Variants in MEGF9 observed in about 807,000 individuals in gnomAD.
MEGF9 encodes multiple EGF like domains 9.
A neutral mutation model predicts 46.8 loss-of-function variants in MEGF9; 6 were observed. That is an observed-to-expected ratio of 0.13 (90% CI 0.07 to 0.25). The LOEUF is 0.25. Among genes scored for constraint, MEGF9 ranks in the 10% least tolerant of loss-of-function variants. The pLI, the probability that MEGF9 is intolerant of heterozygous loss-of-function variation, is 1.00. For missense variants in MEGF9, 683 were observed against 792.4 expected (o/e 0.86, Z 1.66); for synonymous variants, 302 against 330.7 (o/e 0.91, Z 0.94).
chr9:120,637,776 G>A (rs1451116553), intron 2 of MEGF9, among the ~76,000 whole-genome samples: 1 of 96,882 alleles, frequency 1.0e-5, no homozygotes, highest in African/African-American at 4.0e-5. Context: ...GGGCAACAGG[G>A]CAAGACTCTG....
chr9:120,677,576 C>CG (rs1400249795), intron 1 of MEGF9, among the ~76,000 whole-genome samples: 2 of 152,200 alleles, frequency 1.3e-5, no homozygotes, highest in Non-Finnish European at 2.9e-5. Flanking sequence ...AGCTGGTACA[C>CG]CTTAACATAC....
At chr9:120,705,119 T>C (rs1256506051) in intron 1 of MEGF9, among the ~76,000 whole-genome samples, 1 of 152,096 alleles carries the variant, frequency 6.6e-6, no homozygotes, top group Non-Finnish European at 1.5e-5. Context: ...AAATCTTTTC[T>C]CCATTTTTTT....
chr9:120,695,603 CAAAAAAAAA>C (rs370281228), intron 1 of MEGF9, among the ~76,000 whole-genome samples: 111 of 18,684 alleles, frequency 5.9e-3, no homozygotes, highest in African/African-American at 0.012. Flanking sequence ...GACCCCATCT[CAAAAAAAAA>C]AAAAAAAAAA....
Position 120,605,914 on chromosome 9 carries a change from C to G in MEGF9, c.1358-273G>C, listed in dbSNP as rs1431076161. On this transcript the variant is annotated intron_variant, in intron 5 of 5. Transcript: ENST00000373930. This position sits in a 1 kb window ranked among gnomAD's most constrained non-coding sequence, Gnocchi z 4.0. ...TTGGGCCGGGCGTGGTGGCTCACACCTGTAATCCCAGCACTTTGGGCGGCC... is the reference window on the plus strand; with the variant it reads ...TTGGGCCGGGCGTGGTGGCTCACACGTGTAATCCCAGCACTTTGGGCGGCC... Among the ~76,000 whole-genome samples, 1 of 152,146 alleles carries G rather than the reference C, an allele frequency of 6.6e-6. No homozygotes were observed. The highest frequency in any genetic ancestry group is 1.5e-5 in the Non-Finnish European group (1 of 68,024).
In MEGF9 at chr9:120,714,326, G is replaced by A. The variant is rs1459473677; in HGVS notation, c.33C>T (p.Ser11=). 1 of 1,346,302 alleles carries A rather than the reference G, an allele frequency of 7.4e-7. No individual in the cohort carries two copies. The highest frequency in any genetic ancestry group is 9.5e-7 in the Non-Finnish European group (1 of 1,047,312). The allele number at this position is 1,346,302 out of a possible 1,614,324, so 83.4% of individuals were successfully genotyped here. A position where few individuals can be genotyped will look rare whatever the true frequency, so the allele number is the denominator to read the frequency against. ...GGGCGAGGCCGCCCAGGCTCGGCAG[G>A]CTCCTCATGGCGCGCTCGGCTCCGC... The part of the protein sequence containing the change: MNGGAERAMR[S]LPSLGGLALL... The change falls in exon 1 of 6, where the codon AGC becomes AGT. Residue 11 remains serine (S), a synonymous_variant. Transcript: ENST00000373930.
At chr9:120,666,065 C>T (rs1211639082) in intron 1 of MEGF9, among the ~76,000 whole-genome samples, 2 of 152,004 alleles carry the variant, frequency 1.3e-5, no homozygotes, top group East Asian at 3.9e-4. Context: ...TTCAGGATTG[C>T]TTTGTCTGCT....
Position 120,660,849 on chromosome 9 carries a change from C to T in MEGF9, c.602-1274G>A, listed in dbSNP as rs1458748211. On this transcript the variant is annotated intron_variant, in intron 1 of 5. Coordinates refer to ENST00000373930, the MANE Select transcript of MEGF9 (RefSeq NM_001080497.3). ...AAAGGGTCCTGAGAAATCTATGGTA[C>T]AAATTACAGTTCTAAATAGGTAAGG... Among the ~76,000 whole-genome samples the T allele has an allele frequency of 2.0e-5, 3 of 152,132 alleles. No homozygotes were observed. The East Asian group carries it at 5.8e-4, about 29-fold the overall frequency.
At chr9:120,681,143 G>A (rs143519740) in intron 1 of MEGF9, among the ~76,000 whole-genome samples, 98 of 151,842 alleles carry the variant, frequency 6.5e-4, no homozygotes, top group African/African-American at 2.2e-3. Flanking sequence ...GTGCTGGGTC[G>A]CCTCTGAAGC....
intron 2 of MEGF9, among the ~76,000 whole-genome samples, chr9:120,641,160 C>T (rs2043601320): frequency 6.6e-6 from 1 of 152,172 alleles, no homozygotes; most frequent in Non-Finnish European, 1.5e-5. Context: ...ATAGCATGCA[C>T]TTAATCTTGA....
Position 120,605,493 on chromosome 9 carries a change from A to C in MEGF9, c.1506T>G (p.Thr502=). The change falls in exon 6 of 6, where the codon ACT becomes ACG. Residue 502 remains threonine, a synonymous_variant. Coordinates refer to ENST00000373930, the MANE Select transcript of MEGF9 (RefSeq NM_001080497.3). The surrounding 1 kb of genome is among the most constrained non-coding windows in gnomAD (Gnocchi z 4.0). ...TCCATGATACATCAGCTAAAGCTGA[A>C]GTGCTGTTTTCAGAAGTGCTTACTG... The part of the protein sequence containing the change: ...IFSVSTSENS[T]SALADVSWTQ... 2 of 1,614,006 alleles carry C rather than the reference A, an allele frequency of 1.2e-6. No homozygotes were observed. Among genetic ancestry groups the C allele is most frequent in the Non-Finnish European group, 1.7e-6 (2 of 1,179,868 alleles).
chr9:120,612,614 C>G, intron 3 of MEGF9, 75 bp from the exon 4 acceptor site: 1 of 1,339,742 alleles, frequency 7.5e-7, no homozygotes, highest in Non-Finnish European at 1.0e-6. Flanking sequence ...ATCATGCCTG[C>G]AACAAAAAGA....
chr9:120,652,442 G>A (rs2043656883), intron 2 of MEGF9, among the ~76,000 whole-genome samples: 1 of 129,872 alleles, frequency 7.7e-6, no homozygotes, highest in Non-Finnish European at 1.6e-5. Flanking sequence ...GAGCCACATT[G>A]CACTCCAGGC....
intron 1 of MEGF9, among the ~76,000 whole-genome samples, chr9:120,697,890 C>T (rs893408101): frequency 6.6e-6 from 1 of 152,070 alleles, no homozygotes; most frequent in African/African-American, 2.4e-5. Flanking sequence ...AAACAGAACC[C>T]AAAATGTGCT....
chr9:120,629,703 G>A (rs1342187950), intron 2 of MEGF9, among the ~76,000 whole-genome samples: 1 of 152,036 alleles, frequency 6.6e-6, no homozygotes, highest in Non-Finnish European at 1.5e-5. Flanking sequence ...GGAGGCCAAG[G>A]AGGATGGACC....
Position 120,674,498 on chromosome 9 carries a change from AG to A in MEGF9, c.602-14924del, listed in dbSNP as rs370545379. 2.3e-3 allele frequency among the ~76,000 whole-genome samples: 357 copies of A among 152,364 alleles called. 2 individuals are homozygous for A. The highest frequency in any genetic ancestry group is 8.3e-3 in the African/African-American group (346 of 41,578). On this transcript the variant is annotated intron_variant, in intron 1 of 5. Transcript: ENST00000373930. The stretch of plus-strand genomic sequence containing the variant: ...GTCAATACCAAATACCACAATGCTG[AG>A]GAAGTAGAACTCTAGTACAATGTTG...
At chr9:120,685,883 GC>G (rs2043820090) in intron 1 of MEGF9, among the ~76,000 whole-genome samples, 1 of 152,106 alleles carries the variant, frequency 6.6e-6, no homozygotes, top group Non-Finnish European at 1.5e-5. Context: ...ATATTATTCA[GC>G]CCTAAAAATG....
chr9:120,698,558 A>G (rs543116077), intron 1 of MEGF9, among the ~76,000 whole-genome samples: 112 of 152,312 alleles, frequency 7.4e-4, no homozygotes, highest in African/African-American at 2.0e-3. Context: ...CTGATTACCA[A>G]TGTGTTACCA....
chr9:120,658,285 C>A (rs1196272510), intron 2 of MEGF9, among the ~76,000 whole-genome samples: 1 of 152,200 alleles, frequency 6.6e-6, no homozygotes, highest in African/African-American at 2.4e-5. Context: ...CCGCGCCCAG[C>A]CTCTTCTACA....
chr9:120,607,962 A>G lies in MEGF9; in HGVS notation c.1136T>C (p.Ile379Thr), dbSNP rs755688483. The change falls in exon 5 of 6, where the codon ATA becomes ACA. Residue 379 changes from isoleucine to threonine, a missense_variant. Physicochemically the swap from Ile to Thr is moderately conservative, Grantham distance 89. Coordinates refer to ENST00000373930, the MANE Select transcript of MEGF9 (RefSeq NM_001080497.3). ...PECDQCKDGY[I>T]GPNCNKCENG... is the part of the protein sequence containing the mutation. The stretch of plus-strand genomic sequence containing the variant: ...TTCACATTTATTGCAGTTCGGGCCT[A>G]TGTAACCATCTTTACACTGGTCACA... 4.3e-6 allele frequency: 7 copies of G among 1,614,048 alleles called. No homozygotes were observed. The highest frequency in any genetic ancestry group is 5.9e-6 in the Non-Finnish European group (7 of 1,179,876).
Sources: gnomAD v4.1 joint callset for allele counts (sites outside exome capture counted in the v4.1 genomes callset) on GRCh38, gnomAD v4.1.1 for gene constraint, Gnocchi (gnomAD v3.1) non-coding constraint, MANE v1.5 for transcripts, NCBI Gene and HGNC (gene_info 2026-07-23, HGNC 2026-07-21) for gene names.